The following BRINP1 variants were observed in gnomAD, a reference collection of about 807,000 sequenced individuals.
The protein encoded by BRINP1 is BMP/retinoic acid-inducible neural-specific protein 1.
A neutral mutation model predicts 72.9 loss-of-function variants in BRINP1; 17 were observed. The observed-to-expected ratio is 0.23, with a 90% CI of 0.16 to 0.35. The LOEUF is 0.35. Ranked by LOEUF, BRINP1 falls within the 10% of genes least tolerant of loss-of-function variation. The pLI is 1.00. For missense variants in BRINP1, 850 were observed against 1,001.6 expected (o/e 0.85, Z 2.04); for synonymous variants, 418 against 378.5 (o/e 1.10, Z -1.21).
At chr9:119,192,639 C>T (rs1293939600) in intron 7 of BRINP1, among the ~76,000 whole-genome samples, 1 of 151,990 alleles carries the variant, frequency 6.6e-6, no homozygotes, top group African/African-American at 2.4e-5. Flanking sequence ...CCTTTCTATA[C>T]AGTTGGTAGG....
chr9:119,296,898 C>T (rs559288169), intron 2 of BRINP1, among the ~76,000 whole-genome samples: 4 of 144,756 alleles, frequency 2.8e-5, no homozygotes, highest in African/African-American at 4.9e-5. Flanking sequence ...AGGGTACGAA[C>T]GAAGTTTCTG....
At chr9:119,212,157 G>T (rs537482175) in intron 6 of BRINP1, among the ~76,000 whole-genome samples, 10 of 152,152 alleles carry the variant, frequency 6.6e-5, no homozygotes, top group African/African-American at 2.4e-4. Context: ...GGACTAATGG[G>T]TGTCGTTATA....
intron 1 of BRINP1, among the ~76,000 whole-genome samples, chr9:119,366,510 GT>G (rs1564259537): frequency 6.6e-4 from 4 of 6,076 alleles, no homozygotes; most frequent in Non-Finnish European, 1.7e-3. Flanking sequence ...CACCGTGTGT[GT>G]GTGTGTGTGT....
chr9:119,168,264 G>T lies in BRINP1; in HGVS notation c.1146-40C>A, dbSNP rs535742249. 4.9e-5 allele frequency: 70 copies of T among 1,442,054 alleles called. 1 individual carries two copies. In the South Asian group the frequency reaches 1.0e-3, roughly 21 times the overall value. 89.3% of individuals were successfully genotyped at this position (1,442,054 alleles called of 1,614,324 possible). On this transcript the variant is annotated intron_variant, in intron 7 of 7. Coordinates refer to ENST00000265922, the MANE Select transcript of BRINP1 (RefSeq NM_014618.3). ...AAAATTGGAGAAGGTTAGCTACCAT[G>T]AGTGGGTCTGTGAGTTACAGTTATC...
chr9:119,167,975 G>A lies in BRINP1; in HGVS notation c.1395C>T (p.Asn465=), dbSNP rs543530382. The change falls in exon 8 of 8, where the codon AAC becomes AAT. Residue 465 remains asparagine, a synonymous_variant. Coordinates refer to ENST00000265922, the MANE Select transcript of BRINP1 (RefSeq NM_014618.3). The surrounding 1 kb of genome is among the most constrained non-coding windows in gnomAD (Gnocchi z 4.3). ...ACTGCTCGCTCCGCTCCGAGTCCAC[G>A]TTCTGTGGTTCACAGCGGCCTCGAT... ...KLYRGRCEPQ[N]VDSERSEQFI... is the part of the protein sequence containing the mutation. The A allele has an allele frequency of 2.1e-5, 34 of 1,614,238 alleles. No individual in the cohort carries two copies. The South Asian group carries it at 3.1e-4, about 15-fold the overall frequency.
intron 7 of BRINP1, 115 bp downstream of exon 7, chr9:119,208,604 G>T: frequency 1.9e-6 from 2 of 1,038,530 alleles, no homozygotes; most frequent in Non-Finnish European, 1.4e-6. Flanking sequence ...ACCATGCGAG[G>T]TCCTGTTTGC....
intron 7 of BRINP1, among the ~76,000 whole-genome samples, chr9:119,184,069 C>A (rs1174282580): frequency 1.3e-5 from 2 of 152,120 alleles, no homozygotes; most frequent in Non-Finnish European, 2.9e-5. Context: ...CAGGAAGCTA[C>A]TTCCGAGCCA....
At chr9:119,356,446 T>G (rs1315339443) in intron 1 of BRINP1, among the ~76,000 whole-genome samples, 1 of 152,206 alleles carries the variant, frequency 6.6e-6, no homozygotes, top group African/African-American at 2.4e-5. Flanking sequence ...TTGGTCAGTT[T>G]GATTCCCTGC....
At chr9:119,255,930 G>A (rs746169183) in intron 2 of BRINP1, among the ~76,000 whole-genome samples, 60 of 118,378 alleles carry the variant, frequency 5.1e-4, no homozygotes, top group African/African-American at 1.1e-3. Context: ...ATGCCAGCCC[G>A]GGCAACGGAG....
At chr9:119,234,569 C>T (rs979791902) in intron 5 of BRINP1, among the ~76,000 whole-genome samples, 7 of 152,100 alleles carry the variant, frequency 4.6e-5, no homozygotes, top group African/African-American at 1.7e-4. Context: ...TTCTTCCACT[C>T]TATGGCTCAT....
rs386416080 is a variant in BRINP1, at chr9:119,263,601, CTTTTTTTTTTTTT to C, written c.219-14464_219-14452del. 5.1e-5 allele frequency among the ~76,000 whole-genome samples: 4 copies of C among 78,560 alleles called. 1 individual carries two copies. The highest frequency in any genetic ancestry group is 4.4e-4 in the Admixed American group (2 of 4,526). The allele number at this position is 78,560 out of a possible 152,430, so 51.5% of individuals were successfully genotyped here. ...CTTATAAAATACCCAGTAAACAATT[CTTTTTTTTTTTTT>C]TTTTTTTTTTTGAGACAGAGTCTCG... On this transcript the variant is annotated intron_variant, in intron 2 of 7. Transcript: ENST00000265922.
rs1237563436 is a variant in BRINP1 at position 119,195,988 on chromosome 9, CTTCT to C, written c.1145+12727_1145+12730del. Among the ~76,000 whole-genome samples the C allele has an allele frequency of 2.0e-5, 3 of 152,180 alleles. No homozygotes were observed. The South Asian group carries it at 6.2e-4, about 31-fold the overall frequency. On this transcript the variant is annotated intron_variant, in intron 7 of 7. Coordinates refer to ENST00000265922, the MANE Select transcript of BRINP1 (RefSeq NM_014618.3). ...TTTGAAACATATGAAAACTTGACCT[CTTCT>C]TTATTTAGCATTTTTTTGTAATTCA...
intron 1 of BRINP1, among the ~76,000 whole-genome samples, chr9:119,367,220 T>TTATATATATATATA (rs1564259751): frequency 6.7e-5 from 3 of 44,806 alleles, no homozygotes; most frequent in African/African-American, 1.6e-4. Context: ...TGTGTGTGAT[T>TTATATATATATATA]GATATATATA....
intron 5 of BRINP1, among the ~76,000 whole-genome samples, chr9:119,222,584 T>C (rs1393656202): frequency 6.7e-6 from 1 of 150,288 alleles, no homozygotes; most frequent in African/African-American, 2.5e-5. Context: ...ATCCATCATG[T>C]GCAGACACTG....
chr9:119,342,242 A>G (rs914006881), intron 1 of BRINP1, among the ~76,000 whole-genome samples: 5 of 152,072 alleles, frequency 3.3e-5, no homozygotes, highest in South Asian at 2.1e-4. Flanking sequence ...TACTTTTTTC[A>G]GTTGTAATGA....
intron 2 of BRINP1, among the ~76,000 whole-genome samples, chr9:119,262,439 C>G (rs1051929657): frequency 6.6e-6 from 1 of 151,644 alleles, no homozygotes; most frequent in Non-Finnish European, 1.5e-5. Context: ...CAAGACCAGC[C>G]TGGCCAATAT....
chr9:119,359,324 T>C (rs1831605376), intron 1 of BRINP1, among the ~76,000 whole-genome samples: 1 of 152,150 alleles, frequency 6.6e-6, no homozygotes, highest in Non-Finnish European at 1.5e-5. Context: ...ACCCCCGAAG[T>C]AGCCAGGACT....
At chr9:119,309,713 G>C (rs1831041318) in intron 2 of BRINP1, among the ~76,000 whole-genome samples, 1 of 152,120 alleles carries the variant, frequency 6.6e-6, no homozygotes, top group Non-Finnish European at 1.5e-5. Context: ...TATCTGAGCG[G>C]TCATTTCTAT....
chr9:119,318,851 GT>G lies in BRINP1; in HGVS notation c.-50-5447del, dbSNP rs1831155792. 1.9e-3 allele frequency among the ~76,000 whole-genome samples: 197 copies of G among 104,400 alleles called. 2 individuals are homozygous for G. The highest frequency in any genetic ancestry group is 6.5e-3 in the Admixed American group (70 of 10,708). The allele number at this position is 104,400 out of a possible 152,430, so 68.5% of individuals were successfully genotyped here. ...TGGAAGAGAAATGTGTGGGGTGTGT[GT>G]GTGTGTGTGTGTGTGTGTGTGTGTG... is the stretch of plus-strand genomic sequence containing the variant. On this transcript the variant is annotated intron_variant, in intron 1 of 7. Coordinates refer to ENST00000265922, the MANE Select transcript of BRINP1 (RefSeq NM_014618.3).
Sources: allele counts gnomAD v4.1 joint callset (sites outside exome capture counted in the v4.1 genomes callset), GRCh38; gene constraint gnomAD v4.1.1; non-coding constraint Gnocchi (gnomAD v3.1); transcripts MANE v1.5; gene names NCBI Gene and HGNC (gene_info 2026-07-23, HGNC 2026-07-21).